Variants in ATMIN observed in about 807,000 individuals in gnomAD.
ATMIN encodes ATM INteracting protein.
A neutral mutation model predicts 49.2 loss-of-function variants in ATMIN; 24 were observed. The ratio of observed to expected loss-of-function variants is 0.49; its 90% CI spans 0.35 to 0.69. The LOEUF (loss-of-function observed/expected upper bound fraction) is 0.69. Ranked by LOEUF, ATMIN falls within the 30% of genes least tolerant of loss-of-function variation. The pLI, the probability that ATMIN is intolerant of heterozygous loss-of-function variation, is 0.00. For missense variants in ATMIN, 1,037 were observed against 1,005.5 expected (o/e 1.03, Z -0.42); for synonymous variants, 450 against 392.5 (o/e 1.15, Z -1.73).
At chr16:81,036,322 G>A (rs1391993369) in intron 1 of ATMIN, 116 bp downstream of exon 1, 1 of 985,260 alleles carries the variant, frequency 1.0e-6, no homozygotes, top group East Asian at 7.2e-5. Context: ...TGCCGCTGCC[G>A]CTGCCCCACC....
chr16:81,042,838 G>T (rs534209492), intron 3 of ATMIN, among the ~76,000 whole-genome samples: 1 of 152,316 alleles, frequency 6.6e-6, no homozygotes, highest in East Asian at 1.9e-4. Context: ...CATTTAGTGT[G>T]ATAGCTTCCT....
chr16:81,042,256 T>C (rs1278332159), intron 2 of ATMIN, 25 bp from the exon 3 acceptor site: 1 of 1,610,008 alleles, frequency 6.2e-7, no homozygotes, highest in African/African-American at 1.3e-5. Context: ...GTTTTTCACC[T>C]TAGTCCCTTC....
intron 3 of ATMIN, 129 bp downstream of exon 3, chr16:81,042,609 A>G: frequency 9.9e-7 from 1 of 1,008,628 alleles, no homozygotes. Flanking sequence ...GGAAGAAGGA[A>G]GCTTTTGAAA....
Position 81,044,737 on chromosome 16 carries a change from A to C in ATMIN, c.2239A>C (p.Thr747Pro), listed in dbSNP as rs1971091291. 2 of 1,614,242 alleles carry C rather than the reference A, an allele frequency of 1.2e-6. No homozygotes were observed. The highest frequency in any genetic ancestry group is 1.7e-6 in the Non-Finnish European group (2 of 1,180,050). Reference sequence around the variant, plus strand: ...AGAGACCCAAACTGAAGGAGTCTCCACTGCTAAAAATATACCTGCTCTAGA... The same window carrying C: ...AGAGACCCAAACTGAAGGAGTCTCCCCTGCTAAAAATATACCTGCTCTAGA... ...DTETQTEGVS[T>P]AKNIPALESK... Residue 747 changes from threonine (T) to proline (P), a missense_variant, in exon 4 of 4, where the codon ACT becomes CCT. Transcript: ENST00000299575.
In ATMIN at chr16:81,042,404, G is replaced by A. The variant is rs372375804; in HGVS notation, c.586G>A (p.Gly196Ser). The A allele has an allele frequency of 6.2e-6, 10 of 1,613,962 alleles. No homozygotes were observed. The highest frequency in any genetic ancestry group is 2.2e-5 in the East Asian group (1 of 44,886). ...DCGKTFRCTCGCPYASRTALQ... is the reference protein window; with the variant it reads ...DCGKTFRCTCSCPYASRTALQ... ...TGGCAAGACCTTCCGGTGCACATGC[G>A]GCTGTCCCTACGCCAGTAGAACAGC... Residue 196 changes from glycine (G) to serine (S), a missense_variant, in exon 3 of 4, where the codon GGC (glycine) becomes AGC (serine). Physicochemically the swap from Gly to Ser is moderately conservative, Grantham distance 56. Transcript: ENST00000299575.
chr16:81,037,516 G>A (rs1970961040), intron 1 of ATMIN: 1 of 984,788 alleles, frequency 1.0e-6, no homozygotes. Flanking sequence ...CGAATTGTTG[G>A]ACTGAAAAGC....
In ATMIN at chr16:81,044,786, C is replaced by T. The variant is rs1420756601; in HGVS notation, c.2288C>T (p.Thr763Ile). ...ALESKVQLNSTETQTMSSGFE... is the reference protein window; with the variant it reads ...ALESKVQLNSIETQTMSSGFE... ...GAAAGCAAAGTTCAGTTGAACAGTA[C>T]AGAAACACAGACCATGAGTTCTGGG... Residue 763 changes from threonine to isoleucine, a missense_variant, in exon 4 of 4, where the codon ACA (threonine) becomes ATA (isoleucine). Coordinates refer to ENST00000299575, the MANE Select transcript of ATMIN (RefSeq NM_015251.3). 2 of 1,614,158 alleles carry T rather than the reference C, an allele frequency of 1.2e-6. No individual in the cohort carries two copies. The highest frequency in any genetic ancestry group is 1.7e-5 in the Admixed American group (1 of 60,014).
intron 1 of ATMIN, among the ~76,000 whole-genome samples, chr16:81,036,656 C>T (rs1265514485): frequency 2.6e-5 from 4 of 152,206 alleles, no homozygotes; most frequent in African/African-American, 9.6e-5. Flanking sequence ...TGCCACGACA[C>T]CCACAATGCC....
Position 81,041,459 on chromosome 16 carries a change from C to G in ATMIN, c.440C>G (p.Ser147Cys). 6.2e-7 allele frequency: 1 copy of G among 1,609,390 alleles called. No individual in the cohort carries two copies. The highest frequency in any genetic ancestry group is 8.5e-7 in the Non-Finnish European group (1 of 1,178,982). ...CCCAGAGGCCCTGAGAGACCGTTTT[C>G]TCAGTTTTCTCTCGTAAAACAGGTA... Reference protein sequence around the residue: ...GCPRGPERPFSQFSLVKQHFM... With the variant: ...GCPRGPERPFCQFSLVKQHFM... Residue 147 changes from serine (S) to cysteine (C), a missense_variant, in exon 2 of 4, where the codon TCT becomes TGT. Transcript: ENST00000299575.
In ATMIN at chr16:81,036,210, A is replaced by G; in HGVS notation, c.336+4A>G. Reference sequence around the variant, plus strand: ...AGTCAAGAGCCACCGCCTGCAGGTGAGCCCGACGCGGCCGGCGGCCCGGGG... The same window carrying G: ...AGTCAAGAGCCACCGCCTGCAGGTGGGCCCGACGCGGCCGGCGGCCCGGGG... On this transcript the variant is annotated splice_donor_region_variant and intron_variant, in intron 1 of 3. Transcript: ENST00000299575. 2.8e-6 allele frequency: 4 copies of G among 1,417,320 alleles called. No individual in the cohort carries two copies. The highest frequency in any genetic ancestry group is 1.3e-5 in the South Asian group (1 of 74,468). 87.8% of individuals were successfully genotyped at this position (1,417,320 alleles called of 1,614,324 possible). A position where few individuals can be genotyped will look rare whatever the true frequency, so the allele number is the denominator to read the frequency against.
In ATMIN at chr16:81,044,223, T is replaced by G. The variant is rs1243893544; in HGVS notation, c.1725T>G (p.Leu575=). The part of the protein sequence containing the change: ...IINFSAQNSM[L]PSQNMTDNQT... ...ATTTCAGTGCACAGAATAGTATGCT[T>G]CCTTCACAGAACATGACAGATAATC... Residue 575 remains leucine, a synonymous_variant, in exon 4 of 4, where the codon CTT becomes CTG. Transcript: ENST00000299575. 1 of 1,614,054 alleles carries G rather than the reference T, an allele frequency of 6.2e-7. No homozygotes were observed. The highest frequency in any genetic ancestry group is 2.2e-5 in the East Asian group (1 of 44,894).
rs749866150 is a variant in ATMIN at position 81,043,371 on chromosome 16, T to G, written c.873T>G (p.Pro291=). The G allele has an allele frequency of 1.2e-6, 2 of 1,614,062 alleles. No individual in the cohort carries two copies. Among genetic ancestry groups the G allele is most frequent in the Non-Finnish European group, 1.7e-6 (2 of 1,180,002 alleles). ...CTCTTACAACACCACCGAGATATCC[T>G]CAGAAGTTGCTTTTACCAAAGCCCA... ...KQTLTTPPRY[P]QKLLLPKPKV... Residue 291 remains proline, a synonymous_variant, in exon 4 of 4, where the codon CCT becomes CCG. Transcript: ENST00000299575.
intron 1 of ATMIN, among the ~76,000 whole-genome samples, chr16:81,038,143 T>G (rs1393034303): frequency 6.7e-6 from 1 of 150,014 alleles, no homozygotes; most frequent in African/African-American, 2.5e-5. Flanking sequence ...TTTTTTTGTT[T>G]TGTTTGAGAC....
At chr16:81,041,584 A>T in intron 2 of ATMIN, 103 bp downstream of exon 2, 3 of 1,432,094 alleles carry the variant, frequency 2.1e-6, no homozygotes, top group Non-Finnish European at 2.8e-6. Context: ...GCTGCTTGTG[A>T]GGGGAGATGC....
At position 81,043,860 on chromosome 16, in the gene ATMIN, C is replaced by T; in HGVS notation, c.1362C>T (p.Pro454=). The stretch of plus-strand genomic sequence containing the variant: ...CGTTTGATTCTCAAGTGTCTCTTCC[C>T]ATTAGTGTTCACACTCAGACATTTT... ...DLSFDSQVSL[P]ISVHTQTFLP... is the part of the protein sequence containing the mutation. The change falls in exon 4 of 4, where the codon CCC becomes CCT. Residue 454 remains proline (P), a synonymous_variant. Transcript: ENST00000299575. 6.2e-7 allele frequency: 1 copy of T among 1,614,094 alleles called. No individual in the cohort carries two copies. Among genetic ancestry groups the T allele is most frequent in the Non-Finnish European group, 8.5e-7 (1 of 1,179,972 alleles).
At position 81,043,598 on chromosome 16, in the gene ATMIN, C is replaced by G. The variant is rs1442211511; in HGVS notation, c.1100C>G (p.Pro367Arg). The change falls in exon 4 of 4, where the codon CCT becomes CGT. Residue 367 changes from proline to arginine, a missense_variant. Physicochemically the swap from Pro to Arg is moderately radical, Grantham distance 103. Coordinates refer to ENST00000299575, the MANE Select transcript of ATMIN (RefSeq NM_015251.3). ...GCTTGCTCTCTTAAGGAGAGCCTAC[C>G]TCTTTTCAAAATTGCTAATCCTATT... Reference protein sequence around the residue: ...SEACSLKESLPLFKIANPIAG... With the variant: ...SEACSLKESLRLFKIANPIAG... 1 of 1,614,060 alleles carries G rather than the reference C, an allele frequency of 6.2e-7. No individual in the cohort carries two copies. Among genetic ancestry groups the G allele is most frequent in the African/African-American group, 1.3e-5 (1 of 74,928 alleles).
intron 1 of ATMIN, among the ~76,000 whole-genome samples, chr16:81,039,390 A>T (rs1258717955): frequency 6.6e-6 from 1 of 151,990 alleles, no homozygotes; most frequent in Admixed American, 6.6e-5. Flanking sequence ...TTTTATTCTA[A>T]TCTTTCTTCC....
intron 1 of ATMIN, chr16:81,037,309 G>T: frequency 1.0e-6 from 1 of 985,470 alleles, no homozygotes; most frequent in Non-Finnish European, 1.2e-6. Context: ...TCTGCCCATA[G>T]TCAGGCTTCT....
chr16:81,041,314 G>C lies in ATMIN; in HGVS notation c.337-42G>C, dbSNP rs555110412. 4 of 1,577,818 alleles carry C rather than the reference G, an allele frequency of 2.5e-6. No individual in the cohort carries two copies. In the South Asian group the frequency reaches 4.7e-5, roughly 19 times the overall value. ...CGTTTCCACTCCAGCCTGTTGTGTT[G>C]TTTTTTTGAAATAATAATTTAAAGT... On this transcript the variant is annotated intron_variant, in intron 1 of 3. Coordinates refer to ENST00000299575, the MANE Select transcript of ATMIN (RefSeq NM_015251.3).
Sources: allele counts gnomAD v4.1 joint callset (sites outside exome capture counted in the v4.1 genomes callset), GRCh38; gene constraint gnomAD v4.1.1; transcripts MANE v1.5; gene names NCBI Gene and HGNC (gene_info 2026-07-23, HGNC 2026-07-21).